Variants in CDA observed in about 807,000 individuals in gnomAD.
CDA encodes cytidine deaminase.
A neutral mutation model predicts 15.0 loss-of-function variants in CDA; 7 were observed. The ratio of observed to expected loss-of-function variants is 0.47; its 90% CI spans 0.26 to 0.87. The LOEUF is 0.87. CDA is among the 40% of genes least tolerant of loss of function. The pLI, the probability that CDA is intolerant of heterozygous loss-of-function variation, is 0.15. For synonymous variants in CDA, 58 were observed against 73.0 expected (o/e 0.79, Z 1.05); for missense variants, 159 against 182.7 (o/e 0.87, Z 0.75).
chr1:20,617,415 C>T (rs1232911372), intron 3 of CDA, among the ~76,000 whole-genome samples: 1 of 152,198 alleles, frequency 6.6e-6, no homozygotes, highest in East Asian at 1.9e-4. Flanking sequence ...CAAATCTCAT[C>T]TTGAATTGTA....
At chr1:20,601,448 C>G (rs2052643217) in intron 1 of CDA, among the ~76,000 whole-genome samples, 3 of 152,224 alleles carry the variant, frequency 2.0e-5, no homozygotes, top group Admixed American at 2.0e-4. Context: ...GTTGTCAAAA[C>G]AGTAGATGCT....
intron 1 of CDA, 89 bp downstream of exon 1, chr1:20,589,372 G>A: frequency 7.8e-7 from 1 of 1,283,686 alleles, no homozygotes; most frequent in Non-Finnish European, 1.1e-6. Context: ...AGAGGCACAG[G>A]CAGTGGCAAG....
intron 2 of CDA, among the ~76,000 whole-genome samples, chr1:20,610,515 G>T (rs1003461803): frequency 4.0e-5 from 6 of 151,782 alleles, no homozygotes; most frequent in Non-Finnish European, 8.8e-5. Context: ...TGGCCAGGCT[G>T]GTCTTGAACT....
At chr1:20,593,637 C>T (rs930733118) in intron 1 of CDA, among the ~76,000 whole-genome samples, 5 of 152,270 alleles carry the variant, frequency 3.3e-5, no homozygotes, top group East Asian at 1.9e-4. Context: ...TACAGTGGCG[C>T]GAGCCTAGTT....
At position 20,613,206 on chromosome 1, in the gene CDA, A is replaced by ATT. The variant is rs34293111; in HGVS notation, c.267-623_267-622dup. Among the ~76,000 whole-genome samples, 241 of 147,264 alleles carry ATT rather than the reference A, an allele frequency of 1.6e-3. 2 individuals are homozygous for ATT. Among genetic ancestry groups the ATT allele is most frequent in the Non-Finnish European group, 2.0e-3 (133 of 66,850 alleles). ...CCTCATACTGTGTGTTCCTTCTGCA[A>ATT]TTTTTTTTTTTTTTGAGAAGGATTT... is the stretch of plus-strand genomic sequence containing the variant. On this transcript the variant is annotated intron_variant, in intron 2 of 3. Coordinates refer to ENST00000375071, the MANE Select transcript of CDA (RefSeq NM_001785.3).
At chr1:20,596,216 C>T (rs764566281) in intron 1 of CDA, among the ~76,000 whole-genome samples, 1 of 152,080 alleles carries the variant, frequency 6.6e-6, no homozygotes, top group Admixed American at 6.6e-5. Flanking sequence ...TAGCTGAGTT[C>T]GAATATAATT....
intron 1 of CDA, among the ~76,000 whole-genome samples, chr1:20,595,249 C>T (rs540206630): frequency 1.3e-5 from 2 of 152,276 alleles, no homozygotes; most frequent in East Asian, 3.9e-4. Flanking sequence ...GAACACACCA[C>T]ATTTTAGAAG....
chr1:20,617,218 C>A (rs2052820636), intron 3 of CDA, among the ~76,000 whole-genome samples: 1 of 152,186 alleles, frequency 6.6e-6, no homozygotes, highest in Admixed American at 6.5e-5. Context: ...ACACAGCAAA[C>A]AAACAGTGCT....
At chr1:20,593,014 G>A (rs965134258) in intron 1 of CDA, among the ~76,000 whole-genome samples, 2 of 152,154 alleles carry the variant, frequency 1.3e-5, no homozygotes, top group African/African-American at 4.8e-5. Context: ...GATCACTTGA[G>A]CCCCAGGAGT....
intron 1 of CDA, among the ~76,000 whole-genome samples, chr1:20,595,248 A>G (rs572903291): frequency 6.6e-6 from 1 of 152,308 alleles, no homozygotes; most frequent in East Asian, 1.9e-4. Flanking sequence ...GGAACACACC[A>G]CATTTTAGAA....
rs2052842966 is a variant in CDA, at chr1:20,618,655, G to C, written c.*87G>C. Reference sequence around the variant, plus strand: ...AGCCCTGGGGACACCTGCCCAGTGGGCCCCAGCCCTACAGGGACTGGGCAA... The same window carrying C: ...AGCCCTGGGGACACCTGCCCAGTGGCCCCCAGCCCTACAGGGACTGGGCAA... On this transcript the variant is annotated 3_prime_UTR_variant, in exon 4 of 4. Coordinates refer to ENST00000375071, the MANE Select transcript of CDA (RefSeq NM_001785.3). 4 of 840,372 alleles carry C rather than the reference G, an allele frequency of 4.8e-6. No homozygotes were observed. Among genetic ancestry groups the C allele is most frequent in the Non-Finnish European group, 8.3e-6 (4 of 479,304 alleles). The allele number at this position is 840,372 out of a possible 1,614,324, so 52.1% of individuals were successfully genotyped here.
In CDA at chr1:20,604,849, T is replaced by C. The variant is rs2052680100; in HGVS notation, c.155-79T>C. The C allele has an allele frequency of 2.4e-5, 23 of 946,654 alleles. No homozygotes were observed. The South Asian group carries it at 2.8e-4, about 11-fold the overall frequency. 58.6% of individuals were successfully genotyped at this position (946,654 alleles called of 1,614,324 possible). A position where few individuals can be genotyped will look rare whatever the true frequency, so the allele number is the denominator to read the frequency against. On this transcript the variant is annotated intron_variant, in intron 1 of 3. Transcript: ENST00000375071. ...TAACCAGTTCCTTCCTGCTTTGGAA[T>C]GGGGCAAACTTCTTACTCAACACAC... is the stretch of plus-strand genomic sequence containing the variant.
At chr1:20,616,127 GC>G (rs2052799229) in intron 3 of CDA, among the ~76,000 whole-genome samples, 2 of 152,164 alleles carry the variant, frequency 1.3e-5, no homozygotes, top group Non-Finnish European at 2.9e-5. Flanking sequence ...TTACTGAAGG[GC>G]CCCCTGCCAG....
At chr1:20,607,225 T>G (rs1484648260) in intron 2 of CDA, among the ~76,000 whole-genome samples, 4 of 152,220 alleles carry the variant, frequency 2.6e-5, no homozygotes, top group Non-Finnish European at 5.9e-5. Context: ...CAAGCCCACG[T>G]GCCTTTTATA....
intron 3 of CDA, among the ~76,000 whole-genome samples, chr1:20,616,788 T>C (rs12072405): frequency 0.22 from 33,960 of 152,078 alleles, 4,118 homozygotes; most frequent in African/African-American, 0.31. Context: ...AACTTTTGTC[T>C]GTACCTACCC....
chr1:20,595,873 G>A (rs1168990820), intron 1 of CDA, among the ~76,000 whole-genome samples: 4 of 149,388 alleles, frequency 2.7e-5, no homozygotes, highest in Non-Finnish European at 5.9e-5. Context: ...GGCCAGGCAC[G>A]GTGGCTCATA....
At chr1:20,609,207 G>A (rs1384292322) in intron 2 of CDA, among the ~76,000 whole-genome samples, 1 of 152,180 alleles carries the variant, frequency 6.6e-6, no homozygotes, top group East Asian at 1.9e-4. Flanking sequence ...AAAGAAGGCC[G>A]GGCGCAGTGG....
chr1:20,593,027 G>A (rs617782), intron 1 of CDA, among the ~76,000 whole-genome samples: 8,937 of 152,252 alleles, frequency 0.059, 828 homozygotes, highest in African/African-American at 0.2. Flanking sequence ...CCAGGAGTTC[G>A]AGGCTGCAGT....
At chr1:20,589,398 C>T in intron 1 of CDA, 115 bp downstream of exon 1, 1 of 999,258 alleles carries the variant, frequency 1.0e-6, no homozygotes, top group Non-Finnish European at 1.5e-6. Context: ...GGCTCTGTCC[C>T]TTCTTCCCCC....
Sources: gnomAD v4.1 joint callset for allele counts (sites outside exome capture counted in the v4.1 genomes callset) on GRCh38, gnomAD v4.1.1 for gene constraint, MANE v1.5 for transcripts, NCBI Gene and HGNC (gene_info 2026-07-23, HGNC 2026-07-21) for gene names.